The following EXOC6B variants were observed in gnomAD, a reference collection of about 807,000 sequenced individuals.
EXOC6B encodes the protein exocyst complex component 6B, also known as SEC15 homolog B.
In EXOC6B, 54 loss-of-function variants were observed where a neutral mutation model predicts 113.5. That is an observed-to-expected ratio of 0.48 (90% CI 0.38 to 0.60). The LOEUF is 0.60. EXOC6B is among the 20% of genes least tolerant of loss of function. The pLI is 0.00. For missense variants in EXOC6B, 797 were observed against 977.5 expected, an observed-to-expected ratio of 0.82 and a Z score of 2.46; for synonymous variants, 357 against 339.0, an observed-to-expected ratio of 1.05 and a Z score of -0.58.
intron 6 of EXOC6B, among the ~76,000 whole-genome samples, chr2:72,684,443 T>A (rs1676940528): frequency 6.6e-6 from 1 of 152,186 alleles, no homozygotes; most frequent in African/African-American, 2.4e-5. Flanking sequence ...TCTCATAAAA[T>A]TCTGATCCAG....
At chr2:72,766,489 T>C (rs1380333868) in intron 1 of EXOC6B, among the ~76,000 whole-genome samples, 1 of 152,132 alleles carries the variant, frequency 6.6e-6, no homozygotes, top group East Asian at 1.9e-4. Context: ...AAAATGGCTA[T>C]GATTAATACC....
At chr2:72,558,551 C>T (rs1012616826) in intron 8 of EXOC6B, among the ~76,000 whole-genome samples, 2 of 152,092 alleles carry the variant, frequency 1.3e-5, no homozygotes, top group African/African-American at 4.8e-5. Context: ...CGGTGGATGA[C>T]CTGAGGTCAG....
At chr2:72,717,893 T>G (rs1317614717) in intron 6 of EXOC6B, among the ~76,000 whole-genome samples, 1 of 152,182 alleles carries the variant, frequency 6.6e-6, no homozygotes, top group African/African-American at 2.4e-5. Flanking sequence ...CTGATCAATA[T>G]TTACTGAACA....
At chr2:72,602,478 C>T (rs567298647) in intron 6 of EXOC6B, among the ~76,000 whole-genome samples, 2 of 152,210 alleles carry the variant, frequency 1.3e-5, no homozygotes, top group East Asian at 3.9e-4. Context: ...ATAGACCAAC[C>T]AAGTTGACAG....
At position 72,427,746 on chromosome 2, in the gene EXOC6B, G is replaced by A. The variant is rs138332343; in HGVS notation, c.1980+37414C>T. On this transcript the variant is annotated intron_variant, in intron 18 of 21. Coordinates refer to ENST00000272427, the MANE Select transcript of EXOC6B (RefSeq NM_015189.3). ...TGGAAGGGGGCGGGACCCTGGTGAG[G>A]CTGTACCTTCAGGCCAGGGAGGCAC... Among the ~76,000 whole-genome samples, 86 of 152,308 alleles carry A rather than the reference G, an allele frequency of 5.6e-4. 2 individuals carry two copies. Among genetic ancestry groups the A allele is most frequent in the Middle Eastern group, 3.4e-3 (1 of 294 alleles).
At chr2:72,516,727 A>G (rs1170996248) in intron 8 of EXOC6B, among the ~76,000 whole-genome samples, 2 of 152,156 alleles carry the variant, frequency 1.3e-5, no homozygotes, top group Non-Finnish European at 2.9e-5. Context: ...CACTAATTTA[A>G]GTTCCACTAT....
rs1463055296 is a variant in EXOC6B at position 72,335,209 on chromosome 2, C to A, written c.2123-189G>T. 6 of 578,150 alleles carry A rather than the reference C, an allele frequency of 1.0e-5. No individual in the cohort carries two copies. In the Admixed American group the frequency reaches 1.8e-4, roughly 18 times the overall value. 35.8% of individuals were successfully genotyped at this position (578,150 alleles called of 1,614,324 possible). On this transcript the variant is annotated intron_variant, in intron 19 of 21. Coordinates refer to ENST00000272427, the MANE Select transcript of EXOC6B (RefSeq NM_015189.3). ...TCGTGTCATCAAAACACCATTAATT[C>A]CAGCATCCTGACAGCAAGGAAACTG...
intron 20 of EXOC6B, among the ~76,000 whole-genome samples, chr2:72,252,928 T>C (rs990089653): frequency 6.6e-6 from 1 of 151,430 alleles, no homozygotes; most frequent in Non-Finnish European, 1.5e-5. Flanking sequence ...AGCAATATGC[T>C]TCACTTACAT....
intron 1 of EXOC6B, among the ~76,000 whole-genome samples, chr2:72,768,121 T>TAAA (rs70963144): frequency 1.8e-5 from 2 of 108,408 alleles, no homozygotes; most frequent in African/African-American, 3.6e-5. Context: ...GAGACTCCGT[T>TAAA]AAAAAAAAAA....
At chr2:72,239,154 G>C (rs756504406) in intron 20 of EXOC6B, among the ~76,000 whole-genome samples, 1 of 152,206 alleles carries the variant, frequency 6.6e-6, no homozygotes. Flanking sequence ...GCCTCTCAAA[G>C]TGCTGGGATT....
intron 1 of EXOC6B, among the ~76,000 whole-genome samples, chr2:72,753,785 T>C (rs1297171946): frequency 6.6e-6 from 1 of 152,128 alleles, no homozygotes; most frequent in Non-Finnish European, 1.5e-5. Context: ...TAGCATGTAT[T>C]CCCTCTGCCT....
intron 18 of EXOC6B, among the ~76,000 whole-genome samples, chr2:72,452,779 A>C (rs1696990823): frequency 6.6e-6 from 1 of 152,216 alleles, no homozygotes; most frequent in Admixed American, 6.5e-5. Flanking sequence ...ATTATTAAAA[A>C]TTTCTGAACA....
In EXOC6B at chr2:72,498,903, C is replaced by T. The variant is rs567063103; in HGVS notation, c.1240-352G>A. Among the ~76,000 whole-genome samples, 16 of 152,124 alleles carry T rather than the reference C, an allele frequency of 1.1e-4. No individual in the cohort carries two copies. The South Asian group carries it at 2.9e-3, about 28-fold the overall frequency. On this transcript the variant is annotated intron_variant, in intron 12 of 21. Transcript: ENST00000272427. ...GAAGGGAGAGAAAGTAAAAATGCTT[C>T]GAATCTCATCCACTTCTAATGCTAT...
At chr2:72,268,366 C>T (rs1352245089) in intron 20 of EXOC6B, among the ~76,000 whole-genome samples, 1 of 152,104 alleles carries the variant, frequency 6.6e-6, no homozygotes, top group African/African-American at 2.4e-5. Flanking sequence ...CCCACCTCTG[C>T]CTCCCAAAGT....
chr2:72,204,361 AGTCTC>A (rs951630805), intron 20 of EXOC6B, among the ~76,000 whole-genome samples: 1 of 152,084 alleles, frequency 6.6e-6, no homozygotes, highest in Non-Finnish European at 1.5e-5. Flanking sequence ...ACAAGGTTCT[AGTCTC>A]TGCTTTCTGT....
intron 18 of EXOC6B, among the ~76,000 whole-genome samples, chr2:72,444,573 G>T (rs1696446429): frequency 6.6e-6 from 1 of 152,184 alleles, no homozygotes; most frequent in South Asian, 2.1e-4. Context: ...GGATATCCAG[G>T]CATTTCTATA....
chr2:72,747,158 C>T (rs1027789432), intron 1 of EXOC6B, among the ~76,000 whole-genome samples: 1 of 151,958 alleles, frequency 6.6e-6, no homozygotes, highest in Non-Finnish European at 1.5e-5. Flanking sequence ...TTGGAAGAGT[C>T]CCAATTCATT....
At chr2:72,244,995 A>G (rs372577488) in intron 20 of EXOC6B, among the ~76,000 whole-genome samples, 1 of 152,212 alleles carries the variant, frequency 6.6e-6, no homozygotes, top group East Asian at 1.9e-4. Context: ...AGATCTAAGT[A>G]AATGAAGAGT....
rs771345760 is a variant in EXOC6B, at chr2:72,179,417, C to T, written c.2354G>A (p.Arg785Gln). 23 of 1,613,594 alleles carry T rather than the reference C, an allele frequency of 1.4e-5. No individual in the cohort carries two copies. Among genetic ancestry groups the T allele is most frequent in the Non-Finnish European group, 1.2e-5 (14 of 1,179,852 alleles). Residue 785 changes from arginine to glutamine, a missense_variant, in exon 22 of 22, where the codon CGG becomes CAG. Transcript: ENST00000272427. The stretch of plus-strand genomic sequence containing the variant: ...TTTCTGCTTGTCTCGCTCATTTTTC[C>T]GAAACTGTGCAAACATGTTGTTCTT... ...SRKNNMFAQF[R>Q]KNERDKQKLI...
Sources: allele counts gnomAD v4.1 joint callset (sites outside exome capture counted in the v4.1 genomes callset), GRCh38; gene constraint gnomAD v4.1.1; transcripts MANE v1.5; gene names NCBI Gene and HGNC (gene_info 2026-07-23, HGNC 2026-07-21).